Variants in ZDHHC14 observed in about 807,000 individuals in gnomAD.
ZDHHC14 encodes zDHHC palmitoyltransferase 14, also known as palmitoyltransferase ZDHHC14.
In ZDHHC14, 16 loss-of-function variants were observed where a neutral mutation model predicts 47.7. The ratio of observed to expected loss-of-function variants is 0.34; its 90% confidence interval spans 0.23 to 0.51. The LOEUF (loss-of-function observed/expected upper bound fraction) is 0.51. Among genes scored for constraint, ZDHHC14 ranks in the 20% least tolerant of loss-of-function variants. The pLI is 0.97. For missense variants in ZDHHC14, 515 were observed against 662.5 expected (o/e 0.78, Z 2.44); for synonymous variants, 293 against 278.9 (o/e 1.05, Z -0.50).
At chr6:157,614,091 C>T (rs968258953) in intron 3 of ZDHHC14, among the ~76,000 whole-genome samples, 9 of 152,170 alleles carry the variant, frequency 5.9e-5, no homozygotes, top group African/African-American at 1.9e-4. Context: ...GCCCCCCCAC[C>T]GCTGGCTGGT....
intron 1 of ZDHHC14, among the ~76,000 whole-genome samples, chr6:157,538,518 T>A (rs1781626253): frequency 6.6e-6 from 1 of 152,172 alleles, no homozygotes; most frequent in Non-Finnish European, 1.5e-5. Context: ...CAACAAATAT[T>A]TATCAAACTT....
chr6:157,498,781 G>C (rs888816827), intron 1 of ZDHHC14, among the ~76,000 whole-genome samples: 2 of 152,172 alleles, frequency 1.3e-5, no homozygotes, highest in African/African-American at 4.8e-5. Flanking sequence ...TTCAGATAAA[G>C]GTGGTAGTAT....
chr6:157,425,722 A>C (rs1454668798), intron 1 of ZDHHC14, among the ~76,000 whole-genome samples: 1 of 152,110 alleles, frequency 6.6e-6, no homozygotes, highest in Non-Finnish European at 1.5e-5. Context: ...TCTTGCCTGC[A>C]TCCCCAGCCC....
chr6:157,583,627 C>T (rs753048439), intron 2 of ZDHHC14, among the ~76,000 whole-genome samples: 1 of 152,116 alleles, frequency 6.6e-6, no homozygotes, highest in South Asian at 2.1e-4. Context: ...GGCTCTTCCT[C>T]AGCCATGCAG....
Position 157,460,447 on chromosome 6 carries a change from A to G in ZDHHC14, c.245+78181A>G, listed in dbSNP as rs1282013708. ...AAAAAAAAAAAAAAGAGTCATTCCTATGTTGTGCATATCTTTCTGTGTCTG... is the reference window on the plus strand; with the variant it reads ...AAAAAAAAAAAAAAGAGTCATTCCTGTGTTGTGCATATCTTTCTGTGTCTG... On this transcript the variant is annotated intron_variant, in intron 1 of 8. Transcript: ENST00000359775. 2.9e-5 allele frequency among the ~76,000 whole-genome samples: 4 copies of G among 138,576 alleles called. 1 individual carries two copies. Among genetic ancestry groups the G allele is most frequent in the Admixed American group, 1.5e-4 (2 of 13,286 alleles). 90.9% of individuals were successfully genotyped at this position (138,576 alleles called of 152,430 possible). A position where few individuals can be genotyped will look rare whatever the true frequency, so the allele number is the denominator to read the frequency against.
At chr6:157,414,174 C>T (rs1400206788) in intron 1 of ZDHHC14, among the ~76,000 whole-genome samples, 3 of 152,148 alleles carry the variant, frequency 2.0e-5, no homozygotes, top group African/African-American at 2.4e-5. Context: ...TCAGGTGATC[C>T]TCCCACCTTG....
At chr6:157,418,833 G>A (rs1255621703) in intron 1 of ZDHHC14, among the ~76,000 whole-genome samples, 3 of 152,160 alleles carry the variant, frequency 2.0e-5, no homozygotes, top group Non-Finnish European at 2.9e-5. Context: ...TTCCTTGTTA[G>A]TCAGAGCCCC....
At chr6:157,414,821 C>CTTTTT (rs71027333) in intron 1 of ZDHHC14, among the ~76,000 whole-genome samples, 4 of 111,962 alleles carry the variant, frequency 3.6e-5, no homozygotes, top group Admixed American at 9.6e-5. Context: ...AGGTTTGCAG[C>CTTTTT]TTTTTTTTTT....
chr6:157,494,627 C>A (rs1583706644), intron 1 of ZDHHC14, among the ~76,000 whole-genome samples: 1 of 152,330 alleles, frequency 6.6e-6, no homozygotes, highest in African/African-American at 2.4e-5. Flanking sequence ...CCTTGTAGAT[C>A]ATGGCCACTT....
intron 1 of ZDHHC14, among the ~76,000 whole-genome samples, chr6:157,438,142 A>G (rs1778481450): frequency 6.6e-6 from 1 of 152,054 alleles, no homozygotes; most frequent in Admixed American, 6.6e-5. Context: ...TAAATCTTCA[A>G]AAAAAATGAG....
intron 1 of ZDHHC14, among the ~76,000 whole-genome samples, chr6:157,538,079 G>C (rs34315803): frequency 0.4 from 60,302 of 152,106 alleles, 12,128 homozygotes; most frequent in Admixed American, 0.45. Flanking sequence ...TTTATAAAAA[G>C]TGAGTTGTTG....
intron 8 of ZDHHC14, among the ~76,000 whole-genome samples, chr6:157,666,038 T>A (rs755924905): frequency 5.3e-5 from 8 of 152,218 alleles, no homozygotes; most frequent in Non-Finnish European, 1.0e-4. Flanking sequence ...GAGCTAACAT[T>A]GAAGTTCTAT....
At chr6:157,526,783 C>T (rs1033492437) in intron 1 of ZDHHC14, among the ~76,000 whole-genome samples, 10 of 152,176 alleles carry the variant, frequency 6.6e-5, no homozygotes, top group African/African-American at 1.7e-4. Context: ...GACACACGTG[C>T]GCCAGGGCTC....
chr6:157,573,059 C>A (rs1287838032), intron 2 of ZDHHC14, among the ~76,000 whole-genome samples: 2 of 152,132 alleles, frequency 1.3e-5, no homozygotes, highest in African/African-American at 2.4e-5. Context: ...GGGAAAAGCC[C>A]AAATCCTTTG....
chr6:157,499,737 A>G (rs1053212588), intron 1 of ZDHHC14, among the ~76,000 whole-genome samples: 3 of 152,238 alleles, frequency 2.0e-5, no homozygotes, highest in African/African-American at 7.2e-5. Flanking sequence ...CCCTATGCAT[A>G]TAAGCAACCA....
At chr6:157,408,265 G>C (rs1461517797) in intron 1 of ZDHHC14, among the ~76,000 whole-genome samples, 1 of 152,008 alleles carries the variant, frequency 6.6e-6, no homozygotes, top group East Asian at 1.9e-4. Context: ...TTGTCCACAA[G>C]ATCTTCAGAG....
rs200996335 is a variant in ZDHHC14, at chr6:157,657,436, CA to C, written c.1068+3811del. Among the ~76,000 whole-genome samples, 1,270 of 152,286 alleles carry C rather than the reference CA, an allele frequency of 8.3e-3. 26 individuals are homozygous for C. The highest frequency in any genetic ancestry group is 0.029 in the African/African-American group (1,195 of 41,546). ...GCACTGTTGGGTATAAAGAAGTGAA[CA>C]AGGCTCACATGCACCTGGGAGCTGT... On this transcript the variant is annotated intron_variant, in intron 8 of 8. Coordinates refer to ENST00000359775, the MANE Select transcript of ZDHHC14 (RefSeq NM_024630.3).
intron 1 of ZDHHC14, among the ~76,000 whole-genome samples, chr6:157,507,482 A>G (rs895928697): frequency 1.4e-4 from 21 of 152,086 alleles, no homozygotes; most frequent in African/African-American, 4.8e-4. Context: ...GAGTTTTGCC[A>G]TGTTGGCTAC....
At chr6:157,465,098 C>A (rs1779176768) in intron 1 of ZDHHC14, among the ~76,000 whole-genome samples, 1 of 103,668 alleles carries the variant, frequency 9.6e-6, no homozygotes, top group Non-Finnish European at 2.0e-5. Flanking sequence ...GTTTTTTTCT[C>A]TTTCTCCTTT....
Sources: allele counts gnomAD v4.1 joint callset (sites outside exome capture counted in the v4.1 genomes callset), GRCh38; gene constraint gnomAD v4.1.1; transcripts MANE v1.5; gene names NCBI Gene and HGNC (gene_info 2026-07-23, HGNC 2026-07-21).